The following LONRF3 variants were observed in gnomAD, a reference collection of about 807,000 sequenced individuals.
LONRF3 encodes LON peptidase N-terminal domain and RING finger protein 3.
Under a neutral mutation model 51.7 loss-of-function variants are expected in LONRF3, and 19 were observed. The ratio of observed to expected loss-of-function variants is 0.37; its 90% confidence interval spans 0.26 to 0.54. LONRF3 has a LOEUF of 0.54. LONRF3 is among the 20% of genes least tolerant of loss of function. LONRF3 has a pLI of 0.86. For missense variants in LONRF3, 521 were observed against 623.9 expected, an observed-to-expected ratio of 0.84 and a Z score of 1.76; for synonymous variants, 265 against 257.8, an observed-to-expected ratio of 1.03 and a Z score of -0.27.
intron 5 of LONRF3, among the ~76,000 whole-genome samples, chrX:119,003,030 C>T (rs1338207416): frequency 3.6e-5 from 4 of 110,869 alleles, no homozygotes; most frequent in African/African-American, 6.6e-5. Context: ...ATGATCCACC[C>T]GCCTCAGCCT....
rs973924631 is a variant in LONRF3 at position 118,974,700 on chromosome X, C to T, written c.-81C>T. The T allele has an allele frequency of 7.5e-5, 68 of 907,151 alleles. No individual in the cohort carries two copies. The highest frequency in any genetic ancestry group is 9.7e-5 in the Non-Finnish European group (65 of 667,937). The allele number at this position is 907,151 out of a possible 1,213,427, so 74.8% of individuals were successfully genotyped here. A position where few individuals can be genotyped will look rare whatever the true frequency, so the allele number is the denominator to read the frequency against. ...CTCGGTGGCATGGCGGCGGTGGCTG[C>T]CCCGATTTCCTCCAGCTGCCACTCC... On this transcript the variant is annotated 5_prime_UTR_variant, in exon 1 of 11. Transcript: ENST00000371628.
intron 3 of LONRF3, among the ~76,000 whole-genome samples, chrX:118,986,729 T>C (rs1046802568): frequency 9.0e-6 from 1 of 111,401 alleles, no homozygotes; most frequent in African/African-American, 3.3e-5. Flanking sequence ...AGATTTTTCA[T>C]AAGTTCCCCA....
At chrX:119,016,350 CTT>C (rs10640705) in intron 10 of LONRF3, among the ~76,000 whole-genome samples, 3 of 88,532 alleles carry the variant, frequency 3.4e-5, no homozygotes, top group African/African-American at 4.5e-5. Context: ...TTCTTTCTTT[CTT>C]TTTTTTTTTT....
At chrX:118,987,136 C>T (rs1333316469) in intron 3 of LONRF3, 12 of 1,011,230 alleles carry the variant, frequency 1.2e-5, no homozygotes, top group Non-Finnish European at 1.3e-6. Flanking sequence ...GTTTTGTGGG[C>T]AAACGTGGGG....
At position 118,975,224 on chromosome X, in the gene LONRF3, G is replaced by T. The variant is rs1181741252; in HGVS notation, c.444G>T (p.Ala148=). The change falls in exon 1 of 11, where the codon GCG becomes GCT. Residue 148 remains alanine (A), a synonymous_variant. Transcript: ENST00000371628. ...AEETGAAAAA[A]ATEVWDGFKC... ...AGACGGGGGCCGCCGCGGCTGCGGCGGCCACCGAGGTGTGGGACGGCTTTA... is the reference window on the plus strand; with the variant it reads ...AGACGGGGGCCGCCGCGGCTGCGGCTGCCACCGAGGTGTGGGACGGCTTTA... The T allele has an allele frequency of 1.7e-6, 2 of 1,180,871 alleles. No individual in the cohort carries two copies. The highest frequency in any genetic ancestry group is 2.3e-6 in the Non-Finnish European group (2 of 883,042).
At chrX:118,982,702 A>G in intron 2 of LONRF3, 119 bp from the exon 3 acceptor site, 1 of 960,621 alleles carries the variant, frequency 1.0e-6, no homozygotes, top group South Asian at 2.0e-5. Flanking sequence ...AGGGCTGTAG[A>G]TAAGAGAGTC....
chrX:119,010,615 C>A (rs904542367), intron 7 of LONRF3, among the ~76,000 whole-genome samples: 1 of 111,569 alleles, frequency 9.0e-6, no homozygotes, highest in African/African-American at 3.3e-5. Context: ...TTAACAAATA[C>A]TGAGATGTAT....
chrX:119,000,324 A>G (rs182328973), intron 5 of LONRF3, among the ~76,000 whole-genome samples: 205 of 112,437 alleles, frequency 1.8e-3, no homozygotes, highest in South Asian at 0.016. Flanking sequence ...CACGGATTCT[A>G]GAGAGAAAAT....
chrX:119,006,095 C>T, intron 5 of LONRF3, 26 bp from the exon 6 acceptor site: 1 of 978,747 alleles, frequency 1.0e-6, no homozygotes, highest in Non-Finnish European at 1.4e-6. Context: ...TTGCAGTTTT[C>T]TTCCATTTTG....
rs1259385352 is a variant in LONRF3, at chrX:119,009,155, T to C, written c.1560T>C (p.Asn520=). ...QCLASRKYSK[N]VIMEELIAKF... is the part of the protein sequence containing the mutation. ...TGGCATCAAGAAAATACAGCAAAAA[T>C]GTAATAATGGAGGAGCTCATAGCTA... Residue 520 remains asparagine (N), a synonymous_variant, in exon 7 of 11, where the codon AAT becomes AAC. Transcript: ENST00000371628. 6 of 1,208,191 alleles carry C rather than the reference T, an allele frequency of 5.0e-6. No individual in the cohort carries two copies.
chrX:118,998,724 C>A (rs1453621022), intron 5 of LONRF3, among the ~76,000 whole-genome samples: 1 of 112,309 alleles, frequency 8.9e-6, no homozygotes, highest in African/African-American at 3.2e-5. Context: ...GTTTTTGAGA[C>A]AGAGTCTCAC....
chrX:119,016,080 A>G (rs1196261237), intron 10 of LONRF3, among the ~76,000 whole-genome samples: 1 of 112,286 alleles, frequency 8.9e-6, no homozygotes, highest in Admixed American at 9.4e-5. Context: ...CAAAGAAGGC[A>G]GTGAGATTTG....
Position 118,982,809 on chromosome X carries a change from G to A in LONRF3, c.937-12G>A. ...GAATAAAATGGGATTGAATGCTAAT[G>A]TTTCCTTCCAGGCACATTTCAGAAA... On this transcript the variant is annotated splice_polypyrimidine_tract_variant and intron_variant, in intron 2 of 10. Transcript: ENST00000371628. The A allele has an allele frequency of 8.3e-7, 1 of 1,210,881 alleles. No individual in the cohort carries two copies. The highest frequency in any genetic ancestry group is 1.1e-6 in the Non-Finnish European group (1 of 894,860).
At chrX:118,993,670 A>G (rs1042517290) in intron 5 of LONRF3, among the ~76,000 whole-genome samples, 1 of 111,809 alleles carries the variant, frequency 8.9e-6, no homozygotes, top group African/African-American at 3.3e-5. Context: ...CACAAGAAGC[A>G]CAAAGAACAC....
At chrX:118,981,449 A>G (rs1377517071) in intron 2 of LONRF3, among the ~76,000 whole-genome samples, 4 of 97,727 alleles carry the variant, frequency 4.1e-5, no homozygotes, top group Non-Finnish European at 8.1e-5. Context: ...CCACCACTGC[A>G]CTCCAGCCTG....
At position 118,975,100 on chromosome X, in the gene LONRF3, T is replaced by C. The variant is rs976953628; in HGVS notation, c.320T>C (p.Leu107Pro). Residue 107 changes from leucine to proline, a missense_variant, in exon 1 of 11, where the codon CTG becomes CCG. Physicochemically the swap from Leu to Pro is moderately conservative, Grantham distance 98. Transcript: ENST00000371628. ...CTGGTGGCTGAGCAGCTGGAGCAGCTGGTGCGCTGCCTGGCGGAGAAAGTC... is the reference window on the plus strand; with the variant it reads ...CTGGTGGCTGAGCAGCTGGAGCAGCCGGTGCGCTGCCTGGCGGAGAAAGTC... Reference protein sequence around the residue: ...QQLVAEQLEQLVRCLAEKVPQ... With the variant: ...QQLVAEQLEQPVRCLAEKVPQ... 6.2e-5 allele frequency: 72 copies of C among 1,170,575 alleles called. No individual in the cohort carries two copies. The highest frequency in any genetic ancestry group is 7.9e-5 in the Non-Finnish European group (69 of 875,602).
chrX:118,978,969 TTCTCTC>T (rs376699119), intron 2 of LONRF3, among the ~76,000 whole-genome samples: 1 of 106,719 alleles, frequency 9.4e-6, no homozygotes, highest in African/African-American at 3.4e-5. Flanking sequence ...CTTCCTTCCT[TTCTCTC>T]TCTCTCTCTT....
chrX:119,003,675 C>G (rs1039567920), intron 5 of LONRF3, among the ~76,000 whole-genome samples: 1 of 112,486 alleles, frequency 8.9e-6, no homozygotes, highest in African/African-American at 3.2e-5. Flanking sequence ...CCTCCCACAT[C>G]GTTGCTCTTC....
chrX:118,993,780 A>G (rs1393796013), intron 5 of LONRF3, among the ~76,000 whole-genome samples: 1 of 111,832 alleles, frequency 8.9e-6, no homozygotes, highest in Non-Finnish European at 1.9e-5. Flanking sequence ...GAGACAGAGC[A>G]CCAGCTAACC....
Sources: gnomAD v4.1 joint callset for allele counts (sites outside exome capture counted in the v4.1 genomes callset) on GRCh38, gnomAD v4.1.1 for gene constraint, MANE v1.5 for transcripts, NCBI Gene and HGNC (gene_info 2026-07-23, HGNC 2026-07-21) for gene names.